Variants in NUS1 observed in about 807,000 individuals in gnomAD.
NUS1 encodes the protein NUS1 dehydrodolichyl diphosphate synthase subunit, also known as dehydrodolichyl diphosphate synthase complex subunit NUS1.
For missense variants in NUS1, 292 were observed against 382.9 expected (o/e 0.76, Z 1.98); for synonymous variants, 135 against 155.2 (o/e 0.87, Z 0.97).
rs543527318 is a variant in NUS1, at chr6:117,695,404, G to T, written c.691+1224G>T. On this transcript the variant is annotated intron_variant, in intron 3 of 4. Transcript: ENST00000368494. The stretch of plus-strand genomic sequence containing the variant: ...CCTGTCATTGCCTAATTATATTCAG[G>T]CTCAGTGAGTAGTAGACCATTATGG... Among the ~76,000 whole-genome samples, 4 of 151,964 alleles carry T rather than the reference G, an allele frequency of 2.6e-5. No homozygotes were observed. The East Asian group carries it at 7.8e-4, about 29-fold the overall frequency.
intron 1 of NUS1, among the ~76,000 whole-genome samples, chr6:117,682,212 C>T (rs1773071214): frequency 6.6e-6 from 1 of 152,210 alleles, no homozygotes; most frequent in Non-Finnish European, 1.5e-5. Context: ...CTTACTCTGT[C>T]TTTGAAAAAT....
chr6:117,707,009 A>G lies in NUS1; in HGVS notation c.876A>G (p.Gly292=). 1.2e-6 allele frequency: 2 copies of G among 1,612,026 alleles called. No homozygotes were observed. Among genetic ancestry groups the G allele is most frequent in the Non-Finnish European group, 1.7e-6 (2 of 1,178,422 alleles). ...ATGCAGCCTGTGAACAGCGTCTGGG[A>G]AAGTAGTGGTCATTGGTTGCATAAT... ...RQYAACEQRL[G]K The change falls in exon 5 of 5, where the codon GGA becomes GGG. Residue 292 remains glycine (G), a synonymous_variant. Transcript: ENST00000368494.
chr6:117,700,025 TAAATC>T (rs879285808), intron 3 of NUS1, among the ~76,000 whole-genome samples: 3 of 152,092 alleles, frequency 2.0e-5, no homozygotes, highest in Admixed American at 6.6e-5. Flanking sequence ...ATAAAAGACT[TAAATC>T]TAAGATCTCA....
intron 1 of NUS1, among the ~76,000 whole-genome samples, chr6:117,683,479 C>A (rs1431301174): frequency 6.6e-6 from 1 of 151,904 alleles, no homozygotes; most frequent in South Asian, 2.1e-4. Flanking sequence ...GCTCTCTAGT[C>A]GTTTTATAAT....
chr6:117,690,130 A>T (rs1773194710), intron 1 of NUS1, among the ~76,000 whole-genome samples: 2 of 152,200 alleles, frequency 1.3e-5, no homozygotes, highest in African/African-American at 4.8e-5. Context: ...TTGCCATTCA[A>T]ATAGCTCCTG....
rs1236645900 is a variant in NUS1 at position 117,705,834 on chromosome 6, A to G, written c.792-1091A>G. Among the ~76,000 whole-genome samples the G allele has an allele frequency of 2.0e-5, 3 of 152,196 alleles. No individual in the cohort carries two copies. In the East Asian group the frequency reaches 5.8e-4, roughly 29 times the overall value. On this transcript the variant is annotated intron_variant, in intron 4 of 4. Coordinates refer to ENST00000368494, the MANE Select transcript of NUS1 (RefSeq NM_138459.5). Reference sequence around the variant, plus strand: ...TGCATTAAATTTGTTCTTTGAGCATATTATTTCAGAGGTGTGAATAAGACT... The same window carrying G: ...TGCATTAAATTTGTTCTTTGAGCATGTTATTTCAGAGGTGTGAATAAGACT...
intron 1 of NUS1, 116 bp from the exon 2 acceptor site, chr6:117,692,926 C>A: frequency 2.4e-6 from 2 of 820,460 alleles, no homozygotes; most frequent in Admixed American, 2.7e-5. Context: ...CTAGTCATTA[C>A]AGCTTTGTTT....
chr6:117,677,619 G>C (rs933501101), intron 1 of NUS1, among the ~76,000 whole-genome samples: 2 of 152,236 alleles, frequency 1.3e-5, no homozygotes, highest in Admixed American at 6.5e-5. Context: ...AGGCCAGACA[G>C]TAACGCTTAC....
intron 3 of NUS1, among the ~76,000 whole-genome samples, chr6:117,696,820 T>C (rs1159680434): frequency 1.3e-5 from 2 of 152,044 alleles, no homozygotes; most frequent in African/African-American, 4.8e-5. Flanking sequence ...GAGCAATAAA[T>C]CATCTGAAGG....
At chr6:117,702,596 TA>T (rs1439549867) in intron 3 of NUS1, among the ~76,000 whole-genome samples, 1 of 152,214 alleles carries the variant, frequency 6.6e-6, no homozygotes, top group Non-Finnish European at 1.5e-5. Context: ...TTTACATCAC[TA>T]TTGGTTTGGA....
chr6:117,694,248 G>A (rs1193523914), intron 3 of NUS1, 68 bp downstream of exon 3: 13 of 885,468 alleles, frequency 1.5e-5, no homozygotes, highest in South Asian at 1.4e-4. Context: ...TTTGTCACAC[G>A]AGGATACAGT....
At chr6:117,699,908 A>G (rs1189018322) in intron 3 of NUS1, among the ~76,000 whole-genome samples, 2 of 152,212 alleles carry the variant, frequency 1.3e-5, no homozygotes, top group Non-Finnish European at 1.5e-5. Context: ...ACAATGGGAA[A>G]AACCAGTATC....
chr6:117,678,677 G>GTTT (rs34349121), intron 1 of NUS1, among the ~76,000 whole-genome samples: 10 of 100,328 alleles, frequency 1.0e-4, no homozygotes, highest in African/African-American at 1.9e-4. Flanking sequence ...TTTTTCAGTG[G>GTTT]TTTTTTTTTT....
intron 3 of NUS1, among the ~76,000 whole-genome samples, chr6:117,696,669 C>T (rs568125652): frequency 1.3e-5 from 2 of 152,092 alleles, no homozygotes; most frequent in South Asian, 4.2e-4. Flanking sequence ...TAATAGTATG[C>T]CCAGTGAAAA....
At chr6:117,677,860 G>C (rs1773006717) in intron 1 of NUS1, among the ~76,000 whole-genome samples, 1 of 152,158 alleles carries the variant, frequency 6.6e-6, no homozygotes, top group Non-Finnish European at 1.5e-5. Context: ...TTTGCTTGGG[G>C]AAAAAAATAG....
At chr6:117,684,932 GGATTAC>G (rs1215947284) in intron 1 of NUS1, among the ~76,000 whole-genome samples, 2 of 152,148 alleles carry the variant, frequency 1.3e-5, no homozygotes, top group African/African-American at 2.4e-5. Context: ...ATATACACTA[GGATTAC>G]ATATGCATGT....
intron 3 of NUS1, among the ~76,000 whole-genome samples, chr6:117,697,841 A>G (rs1216648859): frequency 6.6e-6 from 1 of 152,178 alleles, no homozygotes; most frequent in African/African-American, 2.4e-5. Context: ...ATTTTATCCA[A>G]TGGCTGCAGA....
In NUS1 at chr6:117,707,715, GGTATTCTGAGAGTTGCTCT is replaced by G. The variant is rs1415357276; in HGVS notation, c.*709_*727del. 6.7e-6 allele frequency: 1 copy of G among 149,442 alleles called. No individual in the cohort carries two copies. The highest frequency in any genetic ancestry group is 1.5e-5 in the Non-Finnish European group (1 of 67,258). The allele number at this position is 149,442 out of a possible 1,614,324, so 9.3% of individuals were successfully genotyped here. A position where few individuals can be genotyped will look rare whatever the true frequency, so the allele number is the denominator to read the frequency against. On this transcript the variant is annotated 3_prime_UTR_variant, in exon 5 of 5. Transcript: ENST00000368494. The stretch of plus-strand genomic sequence containing the variant: ...AAGTATGACTTGAGAGTGTTGCTCT[GGTATTCTGAGAGTTGCTCT>G]GTATTCTGGGTTCTGAAGATTATTT...
chr6:117,675,498 G>A lies in NUS1; in HGVS notation c.-173G>A. The stretch of plus-strand genomic sequence containing the variant: ...TACTGGGGGCGGGGCTGCCAAGGGA[G>A]GAGGAAGATGGCGGCGGGGGCGAGG... On this transcript the variant is annotated 5_prime_UTR_variant, in exon 1 of 5. Transcript: ENST00000368494. 1 of 648,948 alleles carries A rather than the reference G, an allele frequency of 1.5e-6. No individual in the cohort carries two copies. Among genetic ancestry groups the A allele is most frequent in the Non-Finnish European group, 2.6e-6 (1 of 378,396 alleles). The allele number at this position is 648,948 out of a possible 1,614,324, so 40.2% of individuals were successfully genotyped here.
Sources: allele counts gnomAD v4.1 joint callset (sites outside exome capture counted in the v4.1 genomes callset), GRCh38; gene constraint gnomAD v4.1.1; transcripts MANE v1.5; gene names NCBI Gene and HGNC (gene_info 2026-07-23, HGNC 2026-07-21).